Variants in TCERG1 observed in about 807,000 individuals in gnomAD.
The protein encoded by TCERG1 is TATA box binding protein (TBP)-associated factor, RNA polymerase II, S, 150kD.
A neutral mutation model predicts 144.7 loss-of-function variants in TCERG1; 37 were observed. That is an observed-to-expected ratio of 0.26 (90% CI 0.20 to 0.34). The LOEUF (loss-of-function observed/expected upper bound fraction) is 0.34. TCERG1 is among the 10% of genes least tolerant of loss of function. The pLI is 1.00. For synonymous variants in TCERG1, 492 were observed against 458.2 expected (o/e 1.07, Z -0.94); for missense variants, 1,027 against 1,380.7 (o/e 0.74, Z 4.06).
chr5:146,471,600 A>AT (rs141675712), intron 9 of TCERG1, 24 bp downstream of exon 9: 108,870 of 1,354,654 alleles, frequency 0.08, 81 homozygotes, highest in African/African-American at 0.091. Context: ...TCAAGTAGTA[A>AT]TTTTTTTTTT....
At chr5:146,509,313 G>A in intron 22 of TCERG1, 68 bp downstream of exon 22, 1 of 1,002,380 alleles carries the variant, frequency 1.0e-6, no homozygotes, top group Admixed American at 2.3e-5. Context: ...AATGGTCAGA[G>A]CATTCTTTGC....
intron 1 of TCERG1, among the ~76,000 whole-genome samples, chr5:146,450,285 C>CT (rs1262954588): frequency 6.6e-6 from 1 of 152,242 alleles, no homozygotes; most frequent in Admixed American, 6.5e-5. Flanking sequence ...GAACTAGAGG[C>CT]TGAGTAATGA....
At chr5:146,449,989 A>G (rs1762217697) in intron 1 of TCERG1, among the ~76,000 whole-genome samples, 1 of 152,226 alleles carries the variant, frequency 6.6e-6, no homozygotes, top group South Asian at 2.1e-4. Context: ...ATGGTGTCAA[A>G]CTTACCTTAT....
In TCERG1 at chr5:146,483,524, C is replaced by T. The variant is rs377292965; in HGVS notation, c.2074-16C>T. On this transcript the variant is annotated splice_polypyrimidine_tract_variant and intron_variant, in intron 14 of 22. Transcript: ENST00000679501. ...GAGGAGACTTAATTATGAGGCAATA[C>T]GTTTTTATTTTAAAGGTGTCTGCTT... 5.2e-5 allele frequency: 83 copies of T among 1,604,300 alleles called. No individual in the cohort carries two copies. Among genetic ancestry groups the T allele is most frequent in the South Asian group, 7.8e-5 (7 of 89,560 alleles).
chr5:146,490,040 G>A (rs972832328), intron 15 of TCERG1, among the ~76,000 whole-genome samples: 1 of 152,114 alleles, frequency 6.6e-6, no homozygotes, highest in South Asian at 2.1e-4. Flanking sequence ...TTGAATTTTA[G>A]GTATCATTTA....
intron 4 of TCERG1, among the ~76,000 whole-genome samples, chr5:146,461,282 T>C (rs894366671): frequency 2.0e-5 from 3 of 152,212 alleles, no homozygotes; most frequent in African/African-American, 7.2e-5. Flanking sequence ...TGTCTACGTA[T>C]TCCAGTGTGT....
intron 1 of TCERG1, among the ~76,000 whole-genome samples, chr5:146,448,605 T>C (rs1762099518): frequency 6.6e-6 from 1 of 152,162 alleles, no homozygotes; most frequent in Non-Finnish European, 1.5e-5. Flanking sequence ...TAAGATGAAA[T>C]TGTGTAAGGA....
At chr5:146,454,434 T>C (rs1319697615) in intron 1 of TCERG1, among the ~76,000 whole-genome samples, 1 of 152,082 alleles carries the variant, frequency 6.6e-6, no homozygotes, top group Non-Finnish European at 1.5e-5. Context: ...GTTTTTTTTT[T>C]CATCCTTTCT....
chr5:146,462,118 A>G (rs1763382987), intron 4 of TCERG1: 1 of 152,740 alleles, frequency 6.5e-6, no homozygotes, highest in Non-Finnish European at 1.5e-5. Context: ...ATTAACAAGT[A>G]CGAAATTGCT....
At chr5:146,479,831 CA>C (rs1484412925) in intron 10 of TCERG1, 23 bp from the exon 11 acceptor site, 2 of 1,612,228 alleles carry the variant, frequency 1.2e-6, no homozygotes, top group South Asian at 2.2e-5. Context: ...GACTTTGTAA[CA>C]ATATTTGAAA....
intron 18 of TCERG1, 90 bp from the exon 19 acceptor site, chr5:146,503,734 T>G: frequency 6.8e-7 from 1 of 1,470,690 alleles, no homozygotes; most frequent in Non-Finnish European, 9.1e-7. Context: ...AAACTAGATT[T>G]GGAATTTTTT....
At position 146,459,195 on chromosome 5, in the gene TCERG1, A is replaced by G; in HGVS notation, c.750A>G (p.Gln250=). Residue 250 remains glutamine, a synonymous_variant, in exon 4 of 23, where the codon CAA becomes CAG. Transcript: ENST00000679501. ...QAQVQAQVQA[Q]VQAQAVGAST... ...AGGTCCAGGCCCAGGTCCAGGCACAAGTGCAAGCACAAGCAGTTGGAGCTT... is the reference window on the plus strand; with the variant it reads ...AGGTCCAGGCCCAGGTCCAGGCACAGGTGCAAGCACAAGCAGTTGGAGCTT... 1 of 1,614,170 alleles carries G rather than the reference A, an allele frequency of 6.2e-7. No homozygotes were observed. Among genetic ancestry groups the G allele is most frequent in the East Asian group, 2.2e-5 (1 of 44,888 alleles).
chr5:146,501,004 CA>C (rs56318938), intron 17 of TCERG1, among the ~76,000 whole-genome samples: 112,045 of 132,376 alleles, frequency 0.85, 46,780 homozygotes, highest in East Asian at 0.99. Context: ...GGGATTCTTT[CA>C]AAAAAAAAAA....
chr5:146,467,752 T>C (rs1763917793), intron 5 of TCERG1, among the ~76,000 whole-genome samples: 1 of 152,246 alleles, frequency 6.6e-6, no homozygotes, highest in Admixed American at 6.5e-5. Context: ...AGTGAAATGC[T>C]ACCTTCCTCT....
intron 17 of TCERG1, among the ~76,000 whole-genome samples, chr5:146,501,624 G>A (rs1767459163): frequency 1.3e-5 from 2 of 152,122 alleles, no homozygotes; most frequent in African/African-American, 4.8e-5. Flanking sequence ...ATGCATCTAG[G>A]AATTTGGTGT....
In TCERG1 at chr5:146,498,604, A is replaced by C; in HGVS notation, c.2351A>C (p.Lys784Thr). ...AGATTCAAAGCAATTGAAAAGATGA[A>C]AGACCGAGAAGCCTTGTTTAATGAG... The part of the protein sequence containing the change: ...DSRFKAIEKM[K>T]DREALFNEFV... Residue 784 changes from lysine (K) to threonine (T), a missense_variant, in exon 17 of 23, where the codon AAA (lysine) becomes ACA (threonine). Transcript: ENST00000679501. 1 of 1,612,388 alleles carries C rather than the reference A, an allele frequency of 6.2e-7. No homozygotes were observed. The highest frequency in any genetic ancestry group is 8.5e-7 in the Non-Finnish European group (1 of 1,179,238).
chr5:146,461,854 C>A (rs529569997), intron 4 of TCERG1, among the ~76,000 whole-genome samples: 8 of 152,218 alleles, frequency 5.3e-5, no homozygotes, highest in Non-Finnish European at 1.0e-4. Context: ...ATGAAGAAAT[C>A]CTACTTCTCA....
Position 146,457,221 on chromosome 5 carries a change from T to A in TCERG1, c.324T>A (p.Pro108=), listed in dbSNP as rs781557089. The A allele has an allele frequency of 6.2e-7, 1 of 1,614,126 alleles. No individual in the cohort carries two copies. Among genetic ancestry groups the A allele is most frequent in the Non-Finnish European group, 8.5e-7 (1 of 1,179,944 alleles). The change falls in exon 3 of 23, where the codon CCT becomes CCA. Residue 108 remains proline (P), a synonymous_variant. Coordinates refer to ENST00000679501, the MANE Select transcript of TCERG1 (RefSeq NM_001382548.1). Reference sequence around the variant, plus strand: ...TGCCTCCTCCCATGAGTTCCATGCCTCCTCCTCCGGGTATGATGTTTCCAC... The same window carrying A: ...TGCCTCCTCCCATGAGTTCCATGCCACCTCCTCCGGGTATGATGTTTCCAC... ...PFMPPPMSSM[P]PPPGMMFPPG...
chr5:146,484,169 A>C (rs1381393184), intron 15 of TCERG1, among the ~76,000 whole-genome samples: 3 of 152,160 alleles, frequency 2.0e-5, no homozygotes, highest in African/African-American at 4.8e-5. Context: ...TGCATATACA[A>C]AGTTCACATC....
Sources: gnomAD v4.1 joint callset for allele counts (sites outside exome capture counted in the v4.1 genomes callset) on GRCh38, gnomAD v4.1.1 for gene constraint, MANE v1.5 for transcripts, NCBI Gene and HGNC (gene_info 2026-07-23, HGNC 2026-07-21) for gene names.